Variants in PACS1 observed in about 807,000 individuals in gnomAD.
The protein encoded by PACS1 is PACS-1.
Under a neutral mutation model 115.0 loss-of-function variants are expected in PACS1, and 24 were observed. The ratio of observed to expected loss-of-function variants is 0.21; its 90% CI spans 0.15 to 0.29. The LOEUF (loss-of-function observed/expected upper bound fraction) is 0.29. Among genes scored for constraint, PACS1 ranks in the 10% least tolerant of loss-of-function variants. The pLI is 1.00. For missense variants in PACS1, 838 were observed against 1,251.2 expected, an observed-to-expected ratio of 0.67 and a Z score of 4.98; for synonymous variants, 453 against 504.5, an observed-to-expected ratio of 0.90 and a Z score of 1.37.
In PACS1 at chr11:66,168,653, G is replaced by T. The variant is rs528903798; in HGVS notation, c.357-24833G>T. Among the ~76,000 whole-genome samples, 11 of 150,086 alleles carry T rather than the reference G, an allele frequency of 7.3e-5. 1 individual carries two copies. Among genetic ancestry groups the T allele is most frequent in the African/African-American group, 2.8e-4 (11 of 39,594 alleles). On this transcript the variant is annotated intron_variant, in intron 1 of 23. Coordinates refer to ENST00000320580, the MANE Select transcript of PACS1 (RefSeq NM_018026.4). ...GCGCTAATATTTCTACTTCATAGGG[G>T]CATATAGTAAATGCTCAGTTGTTGG...
chr11:66,176,394 A>G (rs1859861460), intron 1 of PACS1, among the ~76,000 whole-genome samples: 1 of 147,680 alleles, frequency 6.8e-6, no homozygotes, highest in African/African-American at 2.5e-5. Context: ...TTTAATTTCT[A>G]TGTCCCAGCA....
chr11:66,199,934 G>A (rs1025403438), intron 2 of PACS1, among the ~76,000 whole-genome samples: 2 of 151,880 alleles, frequency 1.3e-5, no homozygotes, highest in South Asian at 4.2e-4. Flanking sequence ...CAGGAGAATC[G>A]CTGGAATCTG....
chr11:66,111,504 A>G (rs1019559922), intron 1 of PACS1, among the ~76,000 whole-genome samples: 3 of 152,194 alleles, frequency 2.0e-5, no homozygotes, highest in Non-Finnish European at 4.4e-5. Flanking sequence ...AGCATCACAA[A>G]TTTAATACAA....
chr11:66,175,643 G>T (rs1859839859), intron 1 of PACS1, among the ~76,000 whole-genome samples: 1 of 152,208 alleles, frequency 6.6e-6, no homozygotes, highest in African/African-American at 2.4e-5. Context: ...GCCTTTAGGG[G>T]ACATGGAGTG....
chr11:66,221,038 G>T lies in PACS1; in HGVS notation c.1200-116G>T, dbSNP rs577165651. On this transcript the variant is annotated intron_variant, in intron 9 of 23. Transcript: ENST00000320580. The stretch of plus-strand genomic sequence containing the variant: ...CACCCTGCACTTCCCTGCTCACCGG[G>T]CGTTCTGGACACCTGTAGCTTGTTG... 3.9e-6 allele frequency: 4 copies of T among 1,016,962 alleles called. No homozygotes were observed. The East Asian group carries it at 7.2e-5, about 18-fold the overall frequency. 63.0% of individuals were successfully genotyped at this position (1,016,962 alleles called of 1,614,324 possible). A position where few individuals can be genotyped will look rare whatever the true frequency, so the allele number is the denominator to read the frequency against.
chr11:66,096,797 C>T (rs759523333), intron 1 of PACS1, among the ~76,000 whole-genome samples: 4 of 152,066 alleles, frequency 2.6e-5, no homozygotes, highest in Admixed American at 1.3e-4. Flanking sequence ...GCACCGCGCC[C>T]AGCCGCTGTG....
chr11:66,142,384 T>C (rs1479517488), intron 1 of PACS1, among the ~76,000 whole-genome samples: 1 of 152,066 alleles, frequency 6.6e-6, no homozygotes, highest in Non-Finnish European at 1.5e-5. Context: ...AATGCCGCAA[T>C]CTCGGCTCAC....
intron 1 of PACS1, among the ~76,000 whole-genome samples, chr11:66,127,695 A>G (rs564343): frequency 0.47 from 71,040 of 152,122 alleles, 18,091 homozygotes; most frequent in South Asian, 0.63. Flanking sequence ...GGAACACTGT[A>G]GGCCAGAATC....
chr11:66,202,843 G>A lies in PACS1; in HGVS notation c.445-7519G>A, dbSNP rs181813945. 6.3e-4 allele frequency among the ~76,000 whole-genome samples: 90 copies of A among 143,402 alleles called. No individual in the cohort carries two copies. The South Asian group carries it at 0.014, about 23-fold the overall frequency. 94.1% of individuals were successfully genotyped at this position (143,402 alleles called of 152,430 possible). ...CATGATAAAAATCCTCAAAAAATGGGTATAAAAGAAACATACCTCAACACA... is the reference window on the plus strand; with the variant it reads ...CATGATAAAAATCCTCAAAAAATGGATATAAAAGAAACATACCTCAACACA... On this transcript the variant is annotated intron_variant, in intron 2 of 23. Transcript: ENST00000320580.
At chr11:66,232,425 C>G (rs1855616251) in intron 14 of PACS1, 149 bp downstream of exon 14, 1 of 578,556 alleles carries the variant, frequency 1.7e-6, no homozygotes, top group African/African-American at 1.9e-5. Flanking sequence ...GAGCCCAGAA[C>G]TCTGAGTTCT....
At chr11:66,149,429 T>C (rs1859189691) in intron 1 of PACS1, among the ~76,000 whole-genome samples, 1 of 152,078 alleles carries the variant, frequency 6.6e-6, no homozygotes, top group Non-Finnish European at 1.5e-5. Context: ...TTAATAGTGA[T>C]CTTCTCTGGC....
At position 66,232,228 on chromosome 11, in the gene PACS1, C is replaced by T; in HGVS notation, c.1683C>T (p.Ala561=). 1 of 1,613,692 alleles carries T rather than the reference C, an allele frequency of 6.2e-7. No individual in the cohort carries two copies. The highest frequency in any genetic ancestry group is 2.2e-5 in the East Asian group (1 of 44,872). Residue 561 remains alanine, a synonymous_variant, in exon 14 of 24, where the codon GCC becomes GCT. Transcript: ENST00000320580. ...QLNQILVSDA[A]LPENVILVNT... The stretch of plus-strand genomic sequence containing the variant: ...ATCAGATCCTGGTGTCAGATGCAGC[C>T]CTCCCAGAAAATGTCATTCTGGTGA...
At chr11:66,135,176 G>A (rs1000365835) in intron 1 of PACS1, among the ~76,000 whole-genome samples, 3 of 151,934 alleles carry the variant, frequency 2.0e-5, no homozygotes, top group Admixed American at 2.0e-4. Flanking sequence ...CTCCAGCCTG[G>A]GCAATAGAGA....
chr11:66,200,364 C>T (rs1006021802), intron 2 of PACS1, among the ~76,000 whole-genome samples: 5 of 151,790 alleles, frequency 3.3e-5, no homozygotes, highest in South Asian at 2.1e-4. Flanking sequence ...AAAACAAAAA[C>T]GAAAACATGA....
intron 1 of PACS1, among the ~76,000 whole-genome samples, chr11:66,176,991 G>A (rs1442660502): frequency 2.0e-5 from 3 of 152,120 alleles, no homozygotes; most frequent in African/African-American, 7.2e-5. Context: ...GATGCTCTGA[G>A]GTCAGGGATC....
chr11:66,112,785 TTCATAGCAGATTTGTTCA>T (rs1858218149), intron 1 of PACS1, among the ~76,000 whole-genome samples: 2 of 152,230 alleles, frequency 1.3e-5, no homozygotes, highest in South Asian at 4.1e-4. Context: ...GCCTTGCTTA[TTCATAGCAGATTTGTTCA>T]TAATAACAAA....
rs574741157 is a variant in PACS1, at chr11:66,108,468, A to G, written c.356+37626A>G. ...CCAGGTATGGCAGCCCACACCTGCA[A>G]TCTCAGAGCTTTGAGAGGCCAAAGT... On this transcript the variant is annotated intron_variant, in intron 1 of 23. Coordinates refer to ENST00000320580, the MANE Select transcript of PACS1 (RefSeq NM_018026.4). 3.9e-5 allele frequency among the ~76,000 whole-genome samples: 6 copies of G among 152,264 alleles called. No individual in the cohort carries two copies. In the South Asian group the frequency reaches 6.2e-4, roughly 16 times the overall value.
intron 10 of PACS1, among the ~76,000 whole-genome samples, chr11:66,224,937 C>T (rs536098402): frequency 3.9e-5 from 6 of 152,264 alleles, no homozygotes; most frequent in African/African-American, 1.2e-4. Flanking sequence ...TTCAGTTTAT[C>T]GCTAGAACCA....
At chr11:66,225,088 T>C (rs1855445341) in intron 10 of PACS1, among the ~76,000 whole-genome samples, 1 of 152,216 alleles carries the variant, frequency 6.6e-6, no homozygotes. Flanking sequence ...GATGCAGACT[T>C]CCAGCCAGGA....
Sources: allele counts gnomAD v4.1 joint callset (sites outside exome capture counted in the v4.1 genomes callset), GRCh38; gene constraint gnomAD v4.1.1; transcripts MANE v1.5; gene names NCBI Gene and HGNC (gene_info 2026-07-23, HGNC 2026-07-21).